ZFYVE9: variants seen among roughly 807,000 people sequenced by gnomAD.
ZFYVE9 encodes zinc finger FYVE domain-containing protein 9.
Under a neutral mutation model 126.7 loss-of-function variants are expected in ZFYVE9, and 43 were observed. That is an observed-to-expected ratio of 0.34 (90% confidence interval 0.27 to 0.44). The LOEUF (loss-of-function observed/expected upper bound fraction) is 0.44, where lower values mean the gene tolerates loss of function less well. Ranked by LOEUF, ZFYVE9 falls within the 20% of genes least tolerant of loss-of-function variation. The pLI is 1.00. For missense variants in ZFYVE9, 1,476 were observed against 1,697.0 expected (o/e 0.87, Z 2.29); for synonymous variants, 521 against 597.4 (o/e 0.87, Z 1.87).
chr1:52,143,714 C>T (rs530378531), intron 1 of ZFYVE9, among the ~76,000 whole-genome samples: 1 of 152,228 alleles, frequency 6.6e-6, no homozygotes, highest in East Asian at 1.9e-4. Context: ...AAATATTTTA[C>T]TAAATTACAT....
intron 4 of ZFYVE9, 112 bp downstream of exon 4, chr1:52,239,707 T>C (rs1398706137): frequency 1.6e-6 from 2 of 1,250,442 alleles, no homozygotes; most frequent in African/African-American, 3.1e-5. Flanking sequence ...TTGACCTAAA[T>C]AGCATTTTTG....
At chr1:52,192,881 C>CA (rs1272278576) in intron 1 of ZFYVE9, among the ~76,000 whole-genome samples, 1 of 152,032 alleles carries the variant, frequency 6.6e-6, no homozygotes, top group East Asian at 1.9e-4. Flanking sequence ...CTCTCATTGG[C>CA]AAAAATAATA....
At chr1:52,185,010 G>T (rs1644751900) in intron 1 of ZFYVE9, among the ~76,000 whole-genome samples, 1 of 152,158 alleles carries the variant, frequency 6.6e-6, no homozygotes, top group Admixed American at 6.5e-5. Flanking sequence ...AACAAAAAAA[G>T]AATTGATAAA....
rs1462072781 is a variant in ZFYVE9, at chr1:52,216,423, A to G, written c.-88A>G. The G allele has an allele frequency of 2.5e-6, 1 of 398,460 alleles. No homozygotes were observed. Among genetic ancestry groups the G allele is most frequent in the Non-Finnish European group, 4.4e-6 (1 of 226,014 alleles). 24.7% of individuals were successfully genotyped at this position (398,460 alleles called of 1,614,324 possible). ...ACTGGCTGGTGGTGCAGCAGACATC[A>G]TGAGTAAGCACCGAGAAGTCTGTTC... On this transcript the variant is annotated 5_prime_UTR_variant, in exon 2 of 19. It removes an upstream start codon present in the reference 5' UTR. Transcript: ENST00000287727.
chr1:52,294,287 G>A (rs1161881335), intron 11 of ZFYVE9, among the ~76,000 whole-genome samples: 1 of 152,178 alleles, frequency 6.6e-6, no homozygotes, highest in Non-Finnish European at 1.5e-5. Context: ...GTAACTTTGG[G>A]CAAGTCACCC....
intron 13 of ZFYVE9, among the ~76,000 whole-genome samples, chr1:52,324,252 AAC>A (rs11468199): frequency 0.89 from 133,105 of 150,128 alleles, 59,341 homozygotes; most frequent in Middle Eastern, 0.95. Flanking sequence ...CTGTCTCAAA[AAC>A]ACACACACAC....
chr1:52,334,778 G>T lies in ZFYVE9; in HGVS notation c.3670+10G>T. The T allele has an allele frequency of 6.2e-7, 1 of 1,613,050 alleles. No individual in the cohort carries two copies. The highest frequency in any genetic ancestry group is 1.1e-5 in the South Asian group (1 of 91,018). On this transcript the variant is annotated intron_variant, in intron 15 of 18. Coordinates refer to ENST00000287727, the MANE Select transcript of ZFYVE9 (RefSeq NM_004799.4). ...TCCAGTATTGTGGAAGGTAAAGAAT[G>T]AATTGTTCAGTCCTCATAATAAGGA...
At position 52,344,978 on chromosome 1, in the gene ZFYVE9, C is replaced by G. The variant is rs559205662; in HGVS notation, c.4116+34C>G. The G allele has an allele frequency of 2.3e-5, 37 of 1,605,990 alleles. No homozygotes were observed. The South Asian group carries it at 4.0e-4, about 17-fold the overall frequency. On this transcript the variant is annotated intron_variant, in intron 18 of 18. Coordinates refer to ENST00000287727, the MANE Select transcript of ZFYVE9 (RefSeq NM_004799.4). ...TGTCTTCCGCAGCTTTTAAAGCTGGCCTTGGGCAACGTCTGTATTTCTGAC... is the reference window on the plus strand; with the variant it reads ...TGTCTTCCGCAGCTTTTAAAGCTGGGCTTGGGCAACGTCTGTATTTCTGAC...
chr1:52,142,730 C>G lies in ZFYVE9; in HGVS notation c.-143+327C>G, dbSNP rs527342046. On this transcript the variant is annotated intron_variant, in intron 1 of 18. Transcript: ENST00000287727. The surrounding 1 kb of genome is among the most constrained non-coding windows in gnomAD (Gnocchi z 4.5). The stretch of plus-strand genomic sequence containing the variant: ...GCCGAGCGCAGCCTCTTAGCCCGGG[C>G]CCTGCACGTACATCCCGGAGGGAGG... Among the ~76,000 whole-genome samples, 1 of 152,144 alleles carries G rather than the reference C, an allele frequency of 6.6e-6. No homozygotes were observed. Among genetic ancestry groups the G allele is most frequent in the East Asian group, 1.9e-4 (1 of 5,160 alleles).
chr1:52,284,904 A>G (rs1645843270), intron 10 of ZFYVE9, among the ~76,000 whole-genome samples: 1 of 150,276 alleles, frequency 6.7e-6, no homozygotes, highest in Non-Finnish European at 1.5e-5. Context: ...GGACACGAAC[A>G]TATATATGTA....
chr1:52,224,035 A>G (rs1161484973), intron 2 of ZFYVE9, among the ~76,000 whole-genome samples: 3 of 152,006 alleles, frequency 2.0e-5, no homozygotes, highest in Non-Finnish European at 4.4e-5. Flanking sequence ...CCTTTTTTAG[A>G]TTTCTAACCT....
At chr1:52,333,334 A>C (rs1646360574) in intron 14 of ZFYVE9, among the ~76,000 whole-genome samples, 1 of 151,948 alleles carries the variant, frequency 6.6e-6, no homozygotes, top group Non-Finnish European at 1.5e-5. Flanking sequence ...GACAAGGGCC[A>C]GCTCTGGCAT....
intron 7 of ZFYVE9, among the ~76,000 whole-genome samples, chr1:52,269,794 GT>G (rs201237685): frequency 2.7e-4 from 39 of 143,916 alleles, no homozygotes; most frequent in African/African-American, 2.0e-4. Context: ...GTTTGTTTTG[GT>G]TTTTTTTTTT....
Position 52,274,315 on chromosome 1 carries a change from T to A in ZFYVE9, c.2626-149T>A, listed in dbSNP as rs531058726. 1.8e-4 allele frequency: 172 copies of A among 966,648 alleles called. 1 individual carries two copies. The Middle Eastern group carries it at 2.2e-3, about 12-fold the overall frequency. The allele number at this position is 966,648 out of a possible 1,614,324, so 59.9% of individuals were successfully genotyped here. On this transcript the variant is annotated intron_variant, in intron 7 of 18. Transcript: ENST00000287727. ...GCCTGATTTGTTTTTTTGTTTTTTT[T>A]AATCCATGGGTTAATGAATATTTTG...
chr1:52,249,319 G>T (rs1164304394), intron 4 of ZFYVE9, among the ~76,000 whole-genome samples: 3 of 152,098 alleles, frequency 2.0e-5, no homozygotes, highest in Non-Finnish European at 4.4e-5. Flanking sequence ...GTTTTCTATT[G>T]TTTTGATATA....
chr1:52,253,972 G>A, intron 4 of ZFYVE9: 1 of 817,052 alleles, frequency 1.2e-6, no homozygotes, highest in Non-Finnish European at 2.2e-6. Flanking sequence ...GGAACCAAGT[G>A]GCTGGATTCA....
intron 1 of ZFYVE9, among the ~76,000 whole-genome samples, chr1:52,188,438 C>T (rs969484833): frequency 2.6e-5 from 4 of 152,044 alleles, no homozygotes; most frequent in Non-Finnish European, 5.9e-5. Context: ...ATGAGTTTAC[C>T]TGTATAACAA....
intron 9 of ZFYVE9, 91 bp downstream of exon 9, chr1:52,278,705 A>G: frequency 1.2e-6 from 1 of 849,884 alleles, no homozygotes; most frequent in Non-Finnish European, 1.7e-6. Flanking sequence ...AAGTATTTTT[A>G]TATAGAGCCA....
chr1:52,318,134 CATAA>C (rs533244664), intron 13 of ZFYVE9, among the ~76,000 whole-genome samples: 123 of 152,144 alleles, frequency 8.1e-4, no homozygotes, highest in African/African-American at 2.6e-3. Flanking sequence ...AAGTTATTTG[CATAA>C]ATAGTTAACA....
Sources: gnomAD v4.1 joint callset for allele counts (sites outside exome capture counted in the v4.1 genomes callset) on GRCh38, gnomAD v4.1.1 for gene constraint, Gnocchi (gnomAD v3.1) non-coding constraint, MANE v1.5 for transcripts, NCBI Gene and HGNC (gene_info 2026-07-23, HGNC 2026-07-21) for gene names.